The following PCDHA6 variants were observed in gnomAD, a reference collection of about 807,000 sequenced individuals.
The protein encoded by PCDHA6 is protocadherin alpha-6.
PCDHA6 carries 55 observed loss-of-function variants against 60.3 expected under a neutral mutation model. The observed-to-expected ratio is 0.91, with a 90% CI of 0.73 to 1.14. PCDHA6 has a LOEUF of 1.14. PCDHA6 is among the 50% of genes most tolerant of loss of function. The pLI is 0.00. For missense variants in PCDHA6, 1,327 were observed against 1,256.5 expected, an observed-to-expected ratio of 1.06 and a Z score of -0.85; for synonymous variants, 652 against 557.9, an observed-to-expected ratio of 1.17 and a Z score of -2.38.
At chr5:140,876,315 C>G (rs2056279391) in intron 1 of PCDHA6, 1 of 1,613,840 alleles carries the variant, frequency 6.2e-7, no homozygotes, top group African/African-American at 1.3e-5. Flanking sequence ...CCTATGGGAT[C>G]AAAATGATTT....
At chr5:140,856,204 G>A (rs782220766) in intron 1 of PCDHA6, 2 of 1,598,000 alleles carry the variant, frequency 1.3e-6, no homozygotes, top group African/African-American at 2.7e-5. Flanking sequence ...AGGACCTGGG[G>A]CTGGAGCTGG....
chr5:140,842,647 T>C (rs1778166241), intron 1 of PCDHA6: 1 of 1,595,148 alleles, frequency 6.3e-7, no homozygotes, highest in African/African-American at 1.3e-5. Flanking sequence ...CCAGCTTGTC[T>C]GTGGAGGTGG....
intron 1 of PCDHA6, among the ~76,000 whole-genome samples, chr5:140,940,372 A>G (rs1173605569): frequency 1.3e-5 from 2 of 151,970 alleles, no homozygotes; most frequent in Admixed American, 6.6e-5. Flanking sequence ...GTATTCCTTG[A>G]GTTGTTAATT....
In PCDHA6 at chr5:140,828,316, G is replaced by A. The variant is rs1554131197; in HGVS notation, c.225G>A (p.Leu75=). ...CCTCCAAAGACCGCGAGGACCTTCT[G>A]GAGGTAAATCTGCAGAATGGCATTT... ...RMASKDREDL[L]EVNLQNGILF... The change falls in exon 1 of 4, where the codon CTG becomes CTA. Residue 75 remains leucine (L), a synonymous_variant. Transcript: ENST00000529310. 1.2e-6 allele frequency: 2 copies of A among 1,614,208 alleles called. No homozygotes were observed. The highest frequency in any genetic ancestry group is 3.3e-5 in the Admixed American group (2 of 60,032).
chr5:140,873,318 G>A (rs1164778902), intron 1 of PCDHA6, among the ~76,000 whole-genome samples: 1 of 152,168 alleles, frequency 6.6e-6, no homozygotes, highest in Non-Finnish European at 1.5e-5. Context: ...GTGAATATTA[G>A]ATAGGGCATA....
rs1279359347 is a variant in PCDHA6 at position 141,012,130 on chromosome 5, C to T, written c.*2193C>T. ...ACTGAAGCCCATGTATCTGACCTTA[C>T]GTGCCTTTTGAACTAGGAGAATCGG... On this transcript the variant is annotated 3_prime_UTR_variant, in exon 4 of 4. Coordinates refer to ENST00000529310, the MANE Select transcript of PCDHA6 (RefSeq NM_018909.4). The T allele has an allele frequency of 2.0e-5, 3 of 153,796 alleles. No individual in the cohort carries two copies. The highest frequency in any genetic ancestry group is 1.9e-4 in the East Asian group (1 of 5,172). 9.5% of individuals were successfully genotyped at this position (153,796 alleles called of 1,614,324 possible). A position where few individuals can be genotyped will look rare whatever the true frequency, so the allele number is the denominator to read the frequency against.
At position 141,009,699 on chromosome 5, in the gene PCDHA6, G is replaced by A. The variant is rs1554262287; in HGVS notation, c.2615G>A (p.Gly872Glu). Residue 872 changes from glycine to glutamate, a missense_variant, in exon 4 of 4, where the codon GGA becomes GAA. Gly to Glu is a moderately conservative substitution (Grantham distance 98, BLOSUM62 -2). Transcript: ENST00000529310. ...AGCAACAGCTGGACCTTTAAATACG[G>A]ACCAGGCAACCCCAAACAATCCGGT... Reference protein sequence around the residue: ...VNSNSWTFKYGPGNPKQSGPG... With the variant: ...VNSNSWTFKYEPGNPKQSGPG... 1 of 1,614,030 alleles carries A rather than the reference G, an allele frequency of 6.2e-7. No individual in the cohort carries two copies. The highest frequency in any genetic ancestry group is 8.5e-7 in the Non-Finnish European group (1 of 1,180,010).
At chr5:140,942,992 C>T (rs782446748) in intron 1 of PCDHA6, among the ~76,000 whole-genome samples, 3 of 152,006 alleles carry the variant, frequency 2.0e-5, no homozygotes, top group South Asian at 2.1e-4. Flanking sequence ...TGTGGTGGCT[C>T]ATGCCTGTAA....
intron 1 of PCDHA6, among the ~76,000 whole-genome samples, chr5:140,937,011 G>A (rs567332621): frequency 9.2e-5 from 14 of 151,352 alleles, no homozygotes; most frequent in Non-Finnish European, 1.8e-4. Flanking sequence ...ACAGACAACC[G>A]ATTAACAAGG....
At chr5:140,902,917 T>G (rs1235478755) in intron 1 of PCDHA6, among the ~76,000 whole-genome samples, 1 of 152,230 alleles carries the variant, frequency 6.6e-6, no homozygotes, top group Non-Finnish European at 1.5e-5. Context: ...CTGAGTAGTA[T>G]TGCATGGTGT....
At chr5:140,937,906 C>T (rs1235683629) in intron 1 of PCDHA6, among the ~76,000 whole-genome samples, 6 of 130,108 alleles carry the variant, frequency 4.6e-5, no homozygotes, top group African/African-American at 6.4e-5. Context: ...AGTGAGACTC[C>T]GTCTCAAAAA....
At chr5:140,902,103 A>AT (rs1435105079) in intron 1 of PCDHA6, among the ~76,000 whole-genome samples, 1 of 151,172 alleles carries the variant, frequency 6.6e-6, no homozygotes, top group Non-Finnish European at 1.5e-5. Context: ...GAGTCTTTAG[A>AT]TTTTTTTAAA....
At chr5:140,847,557 T>A (rs1457582246) in intron 1 of PCDHA6, 2 of 149,266 alleles carry the variant, frequency 1.3e-5, no homozygotes, top group Non-Finnish European at 3.0e-5. Context: ...AAAACAGAAA[T>A]TGCCCCGAGT....
At chr5:140,875,438 T>C (rs1554167643) in intron 1 of PCDHA6, 1 of 1,568,134 alleles carries the variant, frequency 6.4e-7, no homozygotes, top group Non-Finnish European at 8.6e-7. Flanking sequence ...CCCTTAAAAC[T>C]GATTGTCCCA....
intron 1 of PCDHA6, chr5:140,851,195 TAGTC>T (rs1233299239): frequency 1.2e-5 from 14 of 1,207,754 alleles, no homozygotes; most frequent in Non-Finnish European, 1.5e-5. Context: ...ATTTAGTTGT[TAGTC>T]ATTCATTAAA....
intron 1 of PCDHA6, among the ~76,000 whole-genome samples, chr5:140,938,703 T>A: frequency 6.6e-6 from 1 of 152,170 alleles, no homozygotes; most frequent in East Asian, 1.9e-4. Flanking sequence ...AAATATATGT[T>A]TATGATAGAA....
intron 1 of PCDHA6, chr5:140,849,501 C>T (rs251354): frequency 6.4e-7 from 1 of 1,571,602 alleles, no homozygotes; most frequent in African/African-American, 1.4e-5. Flanking sequence ...TCATTGTACA[C>T]TTCTTGTGGA....
chr5:140,941,255 C>CTTTCTTTCTTTCTTTCTTTCTCTT (rs782490896), intron 1 of PCDHA6, among the ~76,000 whole-genome samples: 1 of 44,508 alleles, frequency 2.2e-5, no homozygotes, highest in Non-Finnish European at 5.1e-5. Flanking sequence ...TTCTTTCTTT[C>CTTTCTTTCTTTCTTTCTTTCTCTT]TCTTTCTTTC....
At chr5:140,843,126 G>A (rs2150353418) in intron 1 of PCDHA6, 7 of 1,595,940 alleles carry the variant, frequency 4.4e-6, no homozygotes. Context: ...GCCGACTCGG[G>A]CTACAACGCG....
Sources: gnomAD v4.1 joint callset for allele counts (sites outside exome capture counted in the v4.1 genomes callset) on GRCh38, gnomAD v4.1.1 for gene constraint, MANE v1.5 for transcripts, NCBI Gene and HGNC (gene_info 2026-07-23, HGNC 2026-07-21) for gene names.